STK33: variants seen among roughly 807,000 people sequenced by gnomAD.
STK33 encodes the protein serine/threonine-protein kinase 33.
Under a neutral mutation model 58.0 loss-of-function variants are expected in STK33, and 52 were observed. The observed-to-expected ratio is 0.90, with a 90% CI of 0.72 to 1.13. The LOEUF (loss-of-function observed/expected upper bound fraction) is 1.13, where lower values mean the gene tolerates loss of function less well. STK33 is among the 50% of genes most tolerant of loss of function. The pLI, the probability that STK33 is intolerant of heterozygous loss-of-function variation, is 0.00. For synonymous variants in STK33, 215 were observed against 200.1 expected, an observed-to-expected ratio of 1.07 and a Z score of -0.63; for missense variants, 630 against 604.2, an observed-to-expected ratio of 1.04 and a Z score of -0.45.
intron 1 of STK33, among the ~76,000 whole-genome samples, chr11:8,482,588 A>T (rs893140407): frequency 2.0e-5 from 3 of 152,308 alleles, no homozygotes; most frequent in Non-Finnish European, 4.4e-5. Context: ...AAGTAACATG[A>T]TCCAGTGGGA....
chr11:8,517,670 A>G (rs1232807084), intron 1 of STK33, among the ~76,000 whole-genome samples: 1 of 152,244 alleles, frequency 6.6e-6, no homozygotes, highest in Non-Finnish European at 1.5e-5. Flanking sequence ...TGAAAATCAC[A>G]GCATGAGAAC....
chr11:8,398,529 A>G (rs1264930297), intron 15 of STK33, among the ~76,000 whole-genome samples: 1 of 152,212 alleles, frequency 6.6e-6, no homozygotes, highest in Non-Finnish European at 1.5e-5. Context: ...AAAGACCATC[A>G]AGGCTAGGAA....
At chr11:8,579,767 C>T (rs368091339) in intron 1 of STK33, among the ~76,000 whole-genome samples, 12 of 152,092 alleles carry the variant, frequency 7.9e-5, no homozygotes, top group African/African-American at 2.6e-4. Context: ...ACCTAAAACC[C>T]CGTTTACATC....
At chr11:8,340,893 C>G in the STK33 span, among the ~76,000 whole-genome samples, 1 of 152,210 alleles carries the variant, frequency 6.6e-6, no homozygotes, top group South Asian at 2.1e-4. Flanking sequence ...GAGTCTCACT[C>G]TGCAGCCCAG....
At chr11:8,576,422 T>A (rs1958187974) in intron 1 of STK33, among the ~76,000 whole-genome samples, 1 of 152,182 alleles carries the variant, frequency 6.6e-6, no homozygotes, top group African/African-American at 2.4e-5. Flanking sequence ...CCATCTAATG[T>A]AATAAGAAGA....
At chr11:8,499,852 T>G (rs889341177) in intron 1 of STK33, among the ~76,000 whole-genome samples, 1 of 151,808 alleles carries the variant, frequency 6.6e-6, no homozygotes, top group African/African-American at 2.4e-5. Context: ...TTCTCACTCA[T>G]AAGTGGGAGT....
At chr11:8,350,451 G>A in the STK33 span, among the ~76,000 whole-genome samples, 1 of 152,126 alleles carries the variant, frequency 6.6e-6, no homozygotes, top group Non-Finnish European at 1.5e-5. Context: ...GGATGCCCCC[G>A]CCCTGCCCCA....
intron 1 of STK33, among the ~76,000 whole-genome samples, chr11:8,586,982 T>G (rs184610432): frequency 6.6e-6 from 1 of 152,262 alleles, no homozygotes; most frequent in Non-Finnish European, 1.5e-5. Context: ...ATTAGGGAAG[T>G]GAGGATGAGT....
At chr11:8,381,710 T>C in the STK33 span, among the ~76,000 whole-genome samples, 9 of 152,188 alleles carry the variant, frequency 5.9e-5, no homozygotes, top group Non-Finnish European at 1.2e-4. Context: ...TCTCACCCTT[T>C]ACACCTCCAA....
At chr11:8,426,649 G>T (rs570000685) in intron 14 of STK33, among the ~76,000 whole-genome samples, 4 of 152,168 alleles carry the variant, frequency 2.6e-5, no homozygotes, top group Admixed American at 2.6e-4. Flanking sequence ...TTTTTTCAAA[G>T]AACCAAATAC....
intron 1 of STK33, among the ~76,000 whole-genome samples, chr11:8,498,560 T>G (rs1951244632): frequency 6.6e-6 from 1 of 152,114 alleles, no homozygotes; most frequent in African/African-American, 2.4e-5. Context: ...CTACCATTGA[T>G]TTTCTTCCCA....
At chr11:8,490,457 T>G (rs916218594) in intron 1 of STK33, among the ~76,000 whole-genome samples, 1 of 152,182 alleles carries the variant, frequency 6.6e-6, no homozygotes. Flanking sequence ...CACCAAGGCC[T>G]GCTGCCTCTG....
chr11:8,438,321 G>C (rs1055042208), intron 12 of STK33, among the ~76,000 whole-genome samples: 1 of 152,132 alleles, frequency 6.6e-6, no homozygotes, highest in Admixed American at 6.6e-5. Flanking sequence ...CTATTTTGTT[G>C]CATTCATAGA....
chr11:8,493,473 A>C (rs887102176), intron 1 of STK33, among the ~76,000 whole-genome samples: 14 of 152,184 alleles, frequency 9.2e-5, no homozygotes, highest in Non-Finnish European at 1.6e-4. Flanking sequence ...CCAACCAAAA[A>C]ATGTCCAGGA....
chr11:8,361,016 C>T, the STK33 span, among the ~76,000 whole-genome samples: 1 of 152,342 alleles, frequency 6.6e-6, no homozygotes, highest in East Asian at 1.9e-4. The surrounding 1 kb of genome is among the most constrained non-coding windows in gnomAD (Gnocchi z 4.8). Context: ...GATCAGGAAT[C>T]TTGGGGGGTC....
intron 1 of STK33, among the ~76,000 whole-genome samples, chr11:8,523,546 C>G (rs539665766): frequency 6.6e-6 from 1 of 151,456 alleles, no homozygotes; most frequent in South Asian, 2.1e-4. Flanking sequence ...AAGCGAGGAG[C>G]CCCTCCACCC....
chr11:8,545,430 T>A (rs1252615961), intron 1 of STK33, among the ~76,000 whole-genome samples: 1 of 152,118 alleles, frequency 6.6e-6, no homozygotes, highest in African/African-American at 2.4e-5. Context: ...AATATAAATA[T>A]CCCAATCAAG....
At chr11:8,361,286 C>A in the STK33 span, among the ~76,000 whole-genome samples, 1 of 152,118 alleles carries the variant, frequency 6.6e-6, no homozygotes, top group South Asian at 2.1e-4. This position sits in a 1 kb window ranked among gnomAD's most constrained non-coding sequence, Gnocchi z 4.8. Context: ...GGACAACCAC[C>A]CAGGTCTCAG....
chr11:8,370,792 T>C, the STK33 span, among the ~76,000 whole-genome samples: 1 of 152,162 alleles, frequency 6.6e-6, no homozygotes, highest in African/African-American at 2.4e-5. Flanking sequence ...TAGGCTCTCT[T>C]GTCAGGAGGA....
Sources: allele counts gnomAD v4.1 joint callset (sites outside exome capture counted in the v4.1 genomes callset), GRCh38; gene constraint gnomAD v4.1.1; non-coding constraint Gnocchi (gnomAD v3.1); transcripts MANE v1.5; gene names NCBI Gene and HGNC (gene_info 2026-07-23, HGNC 2026-07-21).